RASSF6: variants seen among roughly 807,000 people sequenced by gnomAD.
RASSF6 encodes the protein Ras association domain family member 6, also known as ras association domain-containing protein 6.
Under a neutral mutation model 44.0 loss-of-function variants are expected in RASSF6, and 52 were observed. The observed-to-expected ratio is 1.18, with a 90% CI of 0.95 to 1.49. The LOEUF is 1.49. RASSF6 is among the 40% of genes most tolerant of loss of function. The pLI, the probability that RASSF6 is intolerant of heterozygous loss-of-function variation, is 0.00. For synonymous variants in RASSF6, 162 were observed against 124.6 expected, an observed-to-expected ratio of 1.30 and a Z score of -2.00; for missense variants, 464 against 393.3, an observed-to-expected ratio of 1.18 and a Z score of -1.52.
intron 3 of RASSF6, 103 bp from the exon 4 acceptor site, chr4:73,593,696 G>A: frequency 1.2e-6 from 1 of 818,678 alleles, no homozygotes; most frequent in Non-Finnish European, 1.8e-6. Flanking sequence ...AACCTAAATA[G>A]ATTAAAAAGA....
intron 1 of RASSF6, among the ~76,000 whole-genome samples, chr4:73,619,703 A>G (rs1726574509): frequency 6.6e-6 from 1 of 152,206 alleles, no homozygotes; most frequent in Non-Finnish European, 1.5e-5. Flanking sequence ...CTTCTGCTTC[A>G]GAATTCATAT....
At chr4:73,600,611 T>C (rs1725221073) in intron 2 of RASSF6, among the ~76,000 whole-genome samples, 2 of 152,190 alleles carry the variant, frequency 1.3e-5, no homozygotes, top group African/African-American at 2.4e-5. Flanking sequence ...AATTTATATA[T>C]ACTGACTGTT....
rs368933109 is a variant in RASSF6, at chr4:73,596,168, C to T, written c.144+2472G>A. 6.8e-4 allele frequency among the ~76,000 whole-genome samples: 103 copies of T among 152,194 alleles called. 1 individual carries two copies. The highest frequency in any genetic ancestry group is 2.3e-3 in the African/African-American group (97 of 41,540). On this transcript the variant is annotated intron_variant, in intron 3 of 10. Transcript: ENST00000307439. ...AAAATGCTTTTGAAGAAATAAAGGACGTTCAAATAGCAAGAGAGGAAGTCA... is the reference window on the plus strand; with the variant it reads ...AAAATGCTTTTGAAGAAATAAAGGATGTTCAAATAGCAAGAGAGGAAGTCA...
intron 8 of RASSF6, 37 bp downstream of exon 8, chr4:73,581,780 C>G (rs1186590642): frequency 6.8e-7 from 1 of 1,467,604 alleles, no homozygotes. Context: ...CTGTAGCACT[C>G]TAGAGTCAGG....
chr4:73,593,333 T>A (rs1469055494), intron 4 of RASSF6, 118 bp downstream of exon 4: 3 of 1,021,850 alleles, frequency 2.9e-6, no homozygotes, highest in Admixed American at 5.5e-5. Context: ...GGAAATTAAA[T>A]GAGATTGTGT....
Position 73,575,313 on chromosome 4 carries a change from A to G in RASSF6, c.*922T>C, listed in dbSNP as rs1723138911. ...CTTCATTTTTAGTGTTTTTTTTTCA[A>G]GTGGGTTAAACAGATCTGTGAGTAC... is the stretch of plus-strand genomic sequence containing the variant. On this transcript the variant is annotated 3_prime_UTR_variant, in exon 11 of 11. Coordinates refer to ENST00000307439, the MANE Select transcript of RASSF6 (RefSeq NM_177532.5). The G allele has an allele frequency of 6.6e-6, 1 of 151,872 alleles. No individual in the cohort carries two copies. Among genetic ancestry groups the G allele is most frequent in the Admixed American group, 6.6e-5 (1 of 15,262 alleles). The allele number at this position is 151,872 out of a possible 1,614,324, so 9.4% of individuals were successfully genotyped here. A position where few individuals can be genotyped will look rare whatever the true frequency, so the allele number is the denominator to read the frequency against.
intron 2 of RASSF6, among the ~76,000 whole-genome samples, chr4:73,611,367 G>T (rs1726001366): frequency 6.6e-6 from 1 of 152,166 alleles, no homozygotes; most frequent in South Asian, 2.1e-4. Flanking sequence ...AGGAGCAAGG[G>T]ATGGAGAGGT....
intron 6 of RASSF6, 85 bp from the exon 7 acceptor site, chr4:73,582,375 CAA>C: frequency 1.8e-6 from 1 of 557,232 alleles, no homozygotes; most frequent in African/African-American, 1.9e-5. Context: ...TCTTATAGGG[CAA>C]AAAAAATCCA....
intron 1 of RASSF6, among the ~76,000 whole-genome samples, chr4:73,614,725 G>A (rs143839332): frequency 6.6e-6 from 1 of 152,278 alleles, no homozygotes; most frequent in East Asian, 1.9e-4. Context: ...TCTATGCTGA[G>A]GTAACTCATA....
At chr4:73,590,437 C>T (rs1724455949) in intron 4 of RASSF6, among the ~76,000 whole-genome samples, 1 of 152,086 alleles carries the variant, frequency 6.6e-6, no homozygotes, top group Admixed American at 6.6e-5. Context: ...TAGAGGTGCC[C>T]ACTATGGGAA....
intron 3 of RASSF6, 116 bp from the exon 4 acceptor site, chr4:73,593,709 C>T (rs984754429): frequency 8.7e-5 from 83 of 950,522 alleles, no homozygotes; most frequent in Non-Finnish European, 1.2e-4. Flanking sequence ...TAAAAAGAAA[C>T]GCCAGGGTTG....
rs563555776 is a variant in RASSF6, at chr4:73,596,179, C to T, written c.144+2461G>A. On this transcript the variant is annotated intron_variant, in intron 3 of 10. Transcript: ENST00000307439. ...GAAGAAATAAAGGACGTTCAAATAG[C>T]AAGAGAGGAAGTCAAACTATCCCTG... Among the ~76,000 whole-genome samples the T allele has an allele frequency of 5.2e-4, 79 of 151,862 alleles. 1 individual carries two copies. Among genetic ancestry groups the T allele is most frequent in the African/African-American group, 1.8e-3 (76 of 41,198 alleles).
intron 1 of RASSF6, among the ~76,000 whole-genome samples, chr4:73,612,451 A>C (rs1413477704): frequency 6.6e-6 from 1 of 151,344 alleles, no homozygotes; most frequent in African/African-American, 2.4e-5. Context: ...AGCCAGAATA[A>C]AAAAGATGGA....
intron 3 of RASSF6, among the ~76,000 whole-genome samples, chr4:73,595,126 G>A (rs976191053): frequency 6.6e-5 from 10 of 152,076 alleles, no homozygotes; most frequent in South Asian, 4.1e-4. Context: ...TAGCCTCACC[G>A]TACACTTCAC....
intron 5 of RASSF6, among the ~76,000 whole-genome samples, chr4:73,585,735 G>T (rs1057469767): frequency 3.3e-5 from 5 of 151,904 alleles, no homozygotes; most frequent in African/African-American, 4.8e-5. Context: ...ATCTCTTACA[G>T]GTAAGAAAAA....
intron 2 of RASSF6, among the ~76,000 whole-genome samples, chr4:73,604,959 A>G (rs1008009179): frequency 2.1e-5 from 3 of 145,192 alleles, no homozygotes; most frequent in Non-Finnish European, 4.5e-5. Flanking sequence ...GTGTGATCTC[A>G]TCTCATTGCA....
At chr4:73,620,212 GCTTT>G (rs1353688876) in intron 1 of RASSF6, 72 bp downstream of exon 1, 3 of 945,848 alleles carry the variant, frequency 3.2e-6, no homozygotes, top group Non-Finnish European at 4.4e-6. Context: ...TATGGATTCT[GCTTT>G]CTAATAACTT....
chr4:73,598,765 C>A, intron 2 of RASSF6, 47 bp from the exon 3 acceptor site: 1 of 820,986 alleles, frequency 1.2e-6, no homozygotes, highest in South Asian at 1.8e-5. Flanking sequence ...GAGTTTTTAA[C>A]GTAAAAGGTG....
At chr4:73,603,543 T>G (rs1725422257) in intron 2 of RASSF6, among the ~76,000 whole-genome samples, 1 of 152,096 alleles carries the variant, frequency 6.6e-6, no homozygotes, top group East Asian at 1.9e-4. Flanking sequence ...TCCAGCTTGG[T>G]TTTAATGAGT....
Sources: allele counts gnomAD v4.1 joint callset (sites outside exome capture counted in the v4.1 genomes callset), GRCh38; gene constraint gnomAD v4.1.1; transcripts MANE v1.5; gene names NCBI Gene and HGNC (gene_info 2026-07-23, HGNC 2026-07-21).